ZCCHC7: variants seen among roughly 807,000 people sequenced by gnomAD.
ZCCHC7 encodes the protein zinc finger CCHC domain-containing protein 7.
A neutral mutation model predicts 52.0 loss-of-function variants in ZCCHC7; 35 were observed. The ratio of observed to expected loss-of-function variants is 0.67; its 90% confidence interval spans 0.51 to 0.89. ZCCHC7 has a LOEUF of 0.89. Ranked by LOEUF, ZCCHC7 falls within the 40% of genes least tolerant of loss-of-function variation. The pLI, the probability that ZCCHC7 is intolerant of heterozygous loss-of-function variation, is 0.00. For synonymous variants in ZCCHC7, 217 were observed against 221.5 expected (o/e 0.98, Z 0.18); for missense variants, 574 against 649.1 (o/e 0.88, Z 1.26).
chr9:37,293,378 C>G (rs145076627), intron 2 of ZCCHC7, among the ~76,000 whole-genome samples: 1 of 152,216 alleles, frequency 6.6e-6, no homozygotes, highest in African/African-American at 2.4e-5. Context: ...AATAGGATAA[C>G]TGAAAGAATG....
intron 2 of ZCCHC7, among the ~76,000 whole-genome samples, chr9:37,206,337 A>T (rs1460446184): frequency 8.5e-6 from 1 of 118,008 alleles, no homozygotes; most frequent in East Asian, 2.4e-4. Flanking sequence ...CTTCTCTCTC[A>T]TTCCTCTTCC....
Position 37,357,062 on chromosome 9 carries a change from G to A in ZCCHC7, c.1426G>A (p.Gly476Ser). Residue 476 changes from glycine (G) to serine (S), a missense_variant, in exon 9 of 9, where the codon GGC becomes AGC. By Grantham distance (56) the Gly-to-Ser change is moderately conservative. Around this residue, in one of 3 missense-constraint regions of ZCCHC7, gnomAD observed 168 missense variants for 171.6 expected, o/e 0.98. Transcript: ENST00000336755. ...TGAAGTGGATGAGGATTTTCCCAGGGGCCCCAAAACCTACTCTTCTCCTGG... is the reference window on the plus strand; with the variant it reads ...TGAAGTGGATGAGGATTTTCCCAGGAGCCCCAAAACCTACTCTTCTCCTGG... ...HREVDEDFPR[G>S]PKTYSSPGSF... The A allele has an allele frequency of 6.2e-7, 1 of 1,613,666 alleles. No individual in the cohort carries two copies. Among genetic ancestry groups the A allele is most frequent in the Non-Finnish European group, 8.5e-7 (1 of 1,179,916 alleles).
At chr9:37,332,738 A>C (rs960774118) in intron 6 of ZCCHC7, among the ~76,000 whole-genome samples, 23 of 151,590 alleles carry the variant, frequency 1.5e-4, no homozygotes, top group Non-Finnish European at 1.5e-5. Context: ...AATAAATGAG[A>C]TTCTTTTAAA....
intron 2 of ZCCHC7, among the ~76,000 whole-genome samples, chr9:37,226,712 A>C (rs1825124117): frequency 6.6e-6 from 1 of 152,200 alleles, no homozygotes. Flanking sequence ...TTTAAATGTA[A>C]GAATTATATG....
At chr9:37,190,513 A>G (rs113995186) in intron 2 of ZCCHC7, among the ~76,000 whole-genome samples, 7,759 of 152,282 alleles carry the variant, frequency 0.051, 645 homozygotes, top group African/African-American at 0.17. Context: ...TTTATTCCCC[A>G]GTCTGCCTTA....
intron 5 of ZCCHC7, among the ~76,000 whole-genome samples, chr9:37,307,976 T>C (rs1829408784): frequency 6.6e-6 from 1 of 152,198 alleles, no homozygotes. Context: ...ATTGTACCAA[T>C]GTATCTACCT....
At chr9:37,325,101 A>G (rs1830189353) in intron 5 of ZCCHC7, among the ~76,000 whole-genome samples, 1 of 152,234 alleles carries the variant, frequency 6.6e-6, no homozygotes, top group African/African-American at 2.4e-5. Context: ...GTGTTGATTC[A>G]TCTTTGAATT....
intron 2 of ZCCHC7, among the ~76,000 whole-genome samples, chr9:37,273,564 A>G (rs1469571696): frequency 1.3e-5 from 2 of 152,238 alleles, no homozygotes; most frequent in Admixed American, 6.5e-5. Context: ...AGCTTGGAGT[A>G]GAATTATTAG....
intron 2 of ZCCHC7, among the ~76,000 whole-genome samples, chr9:37,250,909 T>G (rs1462575238): frequency 6.6e-6 from 1 of 152,204 alleles, no homozygotes; most frequent in African/African-American, 2.4e-5. Flanking sequence ...GCTGACCTAT[T>G]GGTGGGTTCT....
intron 2 of ZCCHC7, among the ~76,000 whole-genome samples, chr9:37,164,467 AG>A: frequency 6.6e-6 from 1 of 151,210 alleles, no homozygotes; most frequent in East Asian, 2.0e-4. Context: ...ATAGATAGAT[AG>A]ATAGATAGAT....
At chr9:37,197,500 T>C (rs1473077383) in intron 2 of ZCCHC7, among the ~76,000 whole-genome samples, 1 of 152,178 alleles carries the variant, frequency 6.6e-6, no homozygotes, top group Non-Finnish European at 1.5e-5. Context: ...TGGGGTGCAG[T>C]CTGGAAGGAA....
chr9:37,147,918 GA>G (rs1440667166), intron 2 of ZCCHC7, among the ~76,000 whole-genome samples: 1 of 152,024 alleles, frequency 6.6e-6, no homozygotes, highest in East Asian at 1.9e-4. Flanking sequence ...ATTTTATAAA[GA>G]TGCTCTGTAA....
intron 2 of ZCCHC7, among the ~76,000 whole-genome samples, chr9:37,153,643 A>G (rs979810518): frequency 2.0e-5 from 3 of 150,620 alleles, no homozygotes; most frequent in African/African-American, 7.4e-5. Context: ...TTTTTTAAAC[A>G]TCAGATAGTG....
intron 2 of ZCCHC7, among the ~76,000 whole-genome samples, chr9:37,231,373 G>T (rs1386140121): frequency 6.6e-6 from 1 of 152,112 alleles, no homozygotes; most frequent in Admixed American, 6.6e-5. Flanking sequence ...TAAACTTCAT[G>T]GCTTTTTAAA....
At chr9:37,317,131 C>A (rs1829858067) in intron 5 of ZCCHC7, among the ~76,000 whole-genome samples, 1 of 152,082 alleles carries the variant, frequency 6.6e-6, no homozygotes, top group Non-Finnish European at 1.5e-5. Flanking sequence ...GAAAAAGACC[C>A]ATAGTGAAAT....
intron 5 of ZCCHC7, among the ~76,000 whole-genome samples, chr9:37,326,575 A>T (rs926138986): frequency 6.6e-6 from 1 of 151,776 alleles, no homozygotes; most frequent in Non-Finnish European, 1.5e-5. Context: ...TTCAGCATAG[A>T]TATGTTTCAG....
At chr9:37,215,155 G>T (rs530817290) in intron 2 of ZCCHC7, among the ~76,000 whole-genome samples, 1 of 152,114 alleles carries the variant, frequency 6.6e-6, no homozygotes. Flanking sequence ...GGCTTTGACT[G>T]TGTTAAAGAG....
chr9:37,185,240 A>G (rs1425965057), intron 2 of ZCCHC7, among the ~76,000 whole-genome samples: 2 of 152,150 alleles, frequency 1.3e-5, no homozygotes, highest in African/African-American at 4.8e-5. Flanking sequence ...TTAGGTACAC[A>G]TACTATAGGT....
At chr9:37,348,347 G>GTTCGTTCGTTCTTTCTTTCTTTCTTTCT (rs370166957) in intron 6 of ZCCHC7, among the ~76,000 whole-genome samples, 21 of 135,592 alleles carry the variant, frequency 1.5e-4, no homozygotes, top group African/African-American at 5.8e-4. Flanking sequence ...ATACCAGTTC[G>GTTCGTTCGTTCTTTCTTTCTTTCTTTCT]TTCTTTCTTT....
Sources: gnomAD v4.1 joint callset for allele counts (sites outside exome capture counted in the v4.1 genomes callset) on GRCh38, gnomAD v4.1.1 for gene constraint, gnomAD v4.1.1 regional missense constraint, MANE v1.5 for transcripts, NCBI Gene and HGNC (gene_info 2026-07-23, HGNC 2026-07-21) for gene names.